Variants in CCDC171 observed in about 807,000 individuals in gnomAD.
The protein encoded by CCDC171 is coiled-coil domain containing 171.
In CCDC171, 177 loss-of-function variants were observed where a neutral mutation model predicts 168.2. That is an observed-to-expected ratio of 1.05 (90% confidence interval 0.93 to 1.19). CCDC171 has a LOEUF of 1.19. Ranked by LOEUF, CCDC171 falls within the 50% of genes most tolerant of loss-of-function variation. CCDC171 has a pLI of 0.00. For missense variants in CCDC171, 1,991 were observed against 1,539.0 expected (o/e 1.29, Z -4.91); for synonymous variants, 687 against 540.8 (o/e 1.27, Z -3.75).
chr9:15,629,571 G>A (rs1394215676), intron 7 of CCDC171, among the ~76,000 whole-genome samples: 2 of 152,286 alleles, frequency 1.3e-5, no homozygotes, highest in African/African-American at 4.8e-5. Context: ...TGAAAATGAC[G>A]GGGAGAATGG....
intron 24 of CCDC171, among the ~76,000 whole-genome samples, chr9:15,877,736 G>A (rs1319801410): frequency 6.6e-6 from 1 of 152,074 alleles, no homozygotes; most frequent in Non-Finnish European, 1.5e-5. Context: ...TAGTGTGAAT[G>A]CAGAGAACTT....
chr9:15,750,087 A>G (rs1259903971), intron 18 of CCDC171, among the ~76,000 whole-genome samples: 1 of 152,108 alleles, frequency 6.6e-6, no homozygotes, highest in East Asian at 1.9e-4. Flanking sequence ...CAAGACTAAT[A>G]AGAAAGAGAG....
intron 3 of CCDC171, among the ~76,000 whole-genome samples, chr9:15,994,861 C>G (rs1295828168): frequency 6.6e-6 from 1 of 152,312 alleles, no homozygotes; most frequent in East Asian, 1.9e-4. Context: ...CTTCTTCCAG[C>G]ATACTGATGG....
At chr9:15,711,014 G>GT (rs2052622442) in intron 11 of CCDC171, among the ~76,000 whole-genome samples, 1 of 152,038 alleles carries the variant, frequency 6.6e-6, no homozygotes, top group Non-Finnish European at 1.5e-5. Context: ...AGTTTAACAT[G>GT]TTTTTTTGTT....
At chr9:15,563,886 A>G (rs1171116181) in intron 1 of CCDC171, 92 bp from the exon 2 acceptor site, 9 of 527,448 alleles carry the variant, frequency 1.7e-5, no homozygotes, top group Non-Finnish European at 3.0e-5. Context: ...CTTATCAATT[A>G]TTACATCTTT....
At chr9:15,700,337 G>A (rs2051617805) in intron 11 of CCDC171, among the ~76,000 whole-genome samples, 1 of 152,250 alleles carries the variant, frequency 6.6e-6, no homozygotes, top group African/African-American at 2.4e-5. Context: ...TGCTCTGAGT[G>A]TGGGGCCCGC....
At chr9:15,748,774 G>C (rs1364315967) in intron 18 of CCDC171, among the ~76,000 whole-genome samples, 1 of 152,156 alleles carries the variant, frequency 6.6e-6, no homozygotes, top group African/African-American at 2.4e-5. Flanking sequence ...AGCAAATGCT[G>C]AGAGATTTTG....
chr9:15,923,709 A>G (rs925605068), intron 25 of CCDC171, among the ~76,000 whole-genome samples: 10 of 151,560 alleles, frequency 6.6e-5, no homozygotes, highest in African/African-American at 2.4e-4. Flanking sequence ...AGATCTAACA[A>G]TTTAACAATG....
chr9:15,647,179 A>G (rs1467855631), intron 7 of CCDC171, among the ~76,000 whole-genome samples: 1 of 152,226 alleles, frequency 6.6e-6, no homozygotes, highest in South Asian at 2.1e-4. Flanking sequence ...TGAAGGCAGA[A>G]ATAAAGATGT....
chr9:15,956,775 C>A (rs896379691), intron 25 of CCDC171, among the ~76,000 whole-genome samples: 1 of 152,048 alleles, frequency 6.6e-6, no homozygotes. Context: ...TGAGTTTGTC[C>A]ATAAGTGCAT....
At chr9:15,997,714 C>T (rs887634312) in intron 3 of CCDC171, among the ~76,000 whole-genome samples, 1 of 152,182 alleles carries the variant, frequency 6.6e-6, no homozygotes, top group African/African-American at 2.4e-5. Flanking sequence ...CAGGGAATTA[C>T]CTGGTGGCAG....
intron 21 of CCDC171, among the ~76,000 whole-genome samples, chr9:15,795,046 A>G (rs979973324): frequency 1.3e-5 from 2 of 152,238 alleles, no homozygotes; most frequent in Non-Finnish European, 2.9e-5. Flanking sequence ...ATGACAAAAT[A>G]GCACAGATGG....
At chr9:15,643,233 C>G (rs1348863477) in intron 7 of CCDC171, among the ~76,000 whole-genome samples, 1 of 151,820 alleles carries the variant, frequency 6.6e-6, no homozygotes, top group Non-Finnish European at 1.5e-5. Flanking sequence ...TTTTTTTTGA[C>G]TTACAGAAAC....
At chr9:15,716,996 A>T (rs1588118910) in intron 11 of CCDC171, among the ~76,000 whole-genome samples, 1 of 152,196 alleles carries the variant, frequency 6.6e-6, no homozygotes, top group Non-Finnish European at 1.5e-5. Flanking sequence ...ACAGTTACGT[A>T]GGCAAAAAAA....
At chr9:15,554,236 G>A (rs1424978669) in intron 1 of CCDC171, among the ~76,000 whole-genome samples, 1 of 152,134 alleles carries the variant, frequency 6.6e-6, no homozygotes, top group Admixed American at 6.5e-5. Context: ...TAGCCAGGAT[G>A]GTCTCGATCT....
chr9:15,794,481 CA>C (rs949084306), intron 21 of CCDC171, among the ~76,000 whole-genome samples: 5 of 148,638 alleles, frequency 3.4e-5, no homozygotes, highest in Non-Finnish European at 7.4e-5. Flanking sequence ...ACCCCCCCAC[CA>C]AAAAAAAGAA....
chr9:15,840,428 C>G (rs2060630098), intron 21 of CCDC171, among the ~76,000 whole-genome samples: 1 of 152,086 alleles, frequency 6.6e-6, no homozygotes, highest in Non-Finnish European at 1.5e-5. Context: ...GGGTTGTCAG[C>G]TCTGGGAAGT....
At chr9:15,919,078 T>C (rs573629193) in intron 24 of CCDC171, among the ~76,000 whole-genome samples, 1 of 151,584 alleles carries the variant, frequency 6.6e-6, no homozygotes, top group Admixed American at 6.6e-5. Context: ...AGCAATAATA[T>C]GCAACAGTAG....
At chr9:15,586,892 T>C (rs1403310435) in intron 4 of CCDC171, among the ~76,000 whole-genome samples, 1 of 152,112 alleles carries the variant, frequency 6.6e-6, no homozygotes, top group Non-Finnish European at 1.5e-5. Flanking sequence ...AGTGCAGCCT[T>C]GAACTCCTGG....
Sources: allele counts gnomAD v4.1 joint callset (sites outside exome capture counted in the v4.1 genomes callset), GRCh38; gene constraint gnomAD v4.1.1; transcripts MANE v1.5; gene names NCBI Gene and HGNC (gene_info 2026-07-23, HGNC 2026-07-21).